PDE8B: variants seen among roughly 807,000 people sequenced by gnomAD.
The protein encoded by PDE8B is phosphodiesterase 8B, also known as high affinity cAMP-specific and IBMX-insensitive 3',5'-cyclic phosphodiesterase 8B.
A neutral mutation model predicts 101.3 loss-of-function variants in PDE8B; 26 were observed. That is an observed-to-expected ratio of 0.26 (90% CI 0.19 to 0.36). The LOEUF is 0.36. Ranked by LOEUF, PDE8B falls within the 10% of genes least tolerant of loss-of-function variation. The pLI, the probability that PDE8B is intolerant of heterozygous loss-of-function variation, is 1.00. For synonymous variants in PDE8B, 424 were observed against 429.3 expected (o/e 0.99, Z 0.15); for missense variants, 810 against 1,163.1 (o/e 0.70, Z 4.42).
At chr5:77,256,205 A>G (rs1005532341) in intron 1 of PDE8B, among the ~76,000 whole-genome samples, 1 of 152,222 alleles carries the variant, frequency 6.6e-6, no homozygotes, top group Non-Finnish European at 1.5e-5. Context: ...GAAAAAGTCA[A>G]CATTCTATTT....
At chr5:77,167,883 C>T in the PDE8B span, among the ~76,000 whole-genome samples, 2 of 152,078 alleles carry the variant, frequency 1.3e-5, no homozygotes, top group African/African-American at 2.4e-5. Context: ...AACACAGCCC[C>T]CACAGCACAG....
chr5:77,387,457 T>C (rs577359602), intron 10 of PDE8B, among the ~76,000 whole-genome samples: 4 of 152,336 alleles, frequency 2.6e-5, no homozygotes, highest in Non-Finnish European at 5.9e-5. Context: ...TGGGCTTCCC[T>C]TTGTGGGTAA....
At chr5:77,189,491 A>G in the PDE8B span, among the ~76,000 whole-genome samples, 1 of 152,238 alleles carries the variant, frequency 6.6e-6, no homozygotes, top group Admixed American at 6.5e-5. Context: ...GCATGGTCAG[A>G]GAATGCCTCC....
chr5:77,191,519 A>T, the PDE8B span, among the ~76,000 whole-genome samples: 6 of 151,726 alleles, frequency 4.0e-5, no homozygotes, highest in African/African-American at 1.2e-4. Flanking sequence ...CACCTGGCTA[A>T]TTTTTTTGTA....
At chr5:77,200,548 T>G in the PDE8B span, among the ~76,000 whole-genome samples, 1 of 145,220 alleles carries the variant, frequency 6.9e-6, no homozygotes, top group Non-Finnish European at 1.6e-5. Context: ...ACATCACAGG[T>G]GAAGGGCTTT....
intron 1 of PDE8B, among the ~76,000 whole-genome samples, chr5:77,267,439 CAAA>C (rs1237992036): frequency 1.0e-5 from 1 of 98,158 alleles, no homozygotes; most frequent in African/African-American, 3.8e-5. Flanking sequence ...GACTCCATCT[CAAA>C]AAAAAAAAAA....
At chr5:77,248,578 C>T (rs1008432598) in intron 1 of PDE8B, among the ~76,000 whole-genome samples, 2 of 152,070 alleles carry the variant, frequency 1.3e-5, no homozygotes, top group Non-Finnish European at 2.9e-5. Flanking sequence ...GTGTACCTAC[C>T]GTGAAGAAAC....
At chr5:77,227,272 G>A (rs1374343021) in intron 1 of PDE8B, among the ~76,000 whole-genome samples, 1 of 152,082 alleles carries the variant, frequency 6.6e-6, no homozygotes, top group Admixed American at 6.5e-5. Flanking sequence ...GCTTTCTTAT[G>A]TTCAATATAA....
Position 77,211,379 on chromosome 5 carries a change from G to T in PDE8B, c.339+115G>T. 2 of 940,166 alleles carry T rather than the reference G, an allele frequency of 2.1e-6. No individual in the cohort carries two copies. The highest frequency in any genetic ancestry group is 3.1e-6 in the Non-Finnish European group (2 of 646,836). 58.2% of individuals were successfully genotyped at this position (940,166 alleles called of 1,614,324 possible). On this transcript the variant is annotated intron_variant, in intron 1 of 21. Transcript: ENST00000264917. This position sits in a 1 kb window ranked among gnomAD's most constrained non-coding sequence, Gnocchi z 4.1. ...ACCGTGAGGCGGTTGGTTTGGAGAG[G>T]TTGTCACTAAGGAGGAGTTTACTTT...
chr5:77,312,105 C>CTTTTTTTTTTTTTTTTTTTTTTT, intron 2 of PDE8B, 52 bp downstream of exon 2: 1 of 871,008 alleles, frequency 1.1e-6, no homozygotes, highest in African/African-American at 2.1e-5. Flanking sequence ...TTTTTTTTTT[C>CTTTTTTTTTTTTTTTTTTTTTTT]TTTTTTTTTT....
At chr5:77,180,222 G>T in the PDE8B span, among the ~76,000 whole-genome samples, 1 of 152,180 alleles carries the variant, frequency 6.6e-6, no homozygotes, top group African/African-American at 2.4e-5. Context: ...TCCACACCCC[G>T]GGAGGGGCGC....
the PDE8B span, among the ~76,000 whole-genome samples, chr5:77,090,782 C>T: frequency 1.3e-5 from 2 of 152,060 alleles, no homozygotes; most frequent in African/African-American, 4.8e-5. Flanking sequence ...TGTGTGAATA[C>T]ACACCACAGT....
intron 1 of PDE8B, among the ~76,000 whole-genome samples, chr5:77,265,944 CT>C (rs1162234121): frequency 6.6e-6 from 1 of 152,188 alleles, no homozygotes; most frequent in Non-Finnish European, 1.5e-5. Context: ...AGTACTTTCT[CT>C]GAAACTGAAG....
chr5:77,352,738 A>G (rs1781393921), intron 9 of PDE8B, among the ~76,000 whole-genome samples: 1 of 152,164 alleles, frequency 6.6e-6, no homozygotes, highest in African/African-American at 2.4e-5. Flanking sequence ...TCAGTAAAAT[A>G]TTGACTGTGA....
chr5:77,358,219 T>C (rs572921633), intron 10 of PDE8B, among the ~76,000 whole-genome samples: 1 of 152,358 alleles, frequency 6.6e-6, no homozygotes, highest in South Asian at 2.1e-4. Flanking sequence ...CATTGCTAAG[T>C]AGTGATAAAA....
At chr5:77,285,534 T>C (rs1050329997) in intron 1 of PDE8B, among the ~76,000 whole-genome samples, 1 of 152,206 alleles carries the variant, frequency 6.6e-6, no homozygotes, top group African/African-American at 2.4e-5. Flanking sequence ...GCCGCTTTTG[T>C]CTTTGGCTTT....
intron 1 of PDE8B, among the ~76,000 whole-genome samples, chr5:77,214,213 T>C: frequency 6.6e-6 from 1 of 152,232 alleles, no homozygotes; most frequent in Non-Finnish European, 1.5e-5. Context: ...AGTTTTCTCA[T>C]ACCAGCTGTT....
chr5:77,362,547 C>G (rs1046586725), intron 10 of PDE8B, among the ~76,000 whole-genome samples: 49 of 152,214 alleles, frequency 3.2e-4, no homozygotes, highest in African/African-American at 1.2e-3. Context: ...TTTCAGCAAG[C>G]TGGTGGTTAA....
chr5:77,374,378 A>G (rs900404846), intron 10 of PDE8B, among the ~76,000 whole-genome samples: 3 of 152,100 alleles, frequency 2.0e-5, no homozygotes, highest in African/African-American at 4.8e-5. Context: ...AATTATTGAT[A>G]TGGTTGGATT....
Sources: gnomAD v4.1 joint callset for allele counts (sites outside exome capture counted in the v4.1 genomes callset) on GRCh38, gnomAD v4.1.1 for gene constraint, Gnocchi (gnomAD v3.1) non-coding constraint, MANE v1.5 for transcripts, NCBI Gene and HGNC (gene_info 2026-07-23, HGNC 2026-07-21) for gene names.